Variants in LMCD1 observed in about 807,000 individuals in gnomAD.
The protein encoded by LMCD1 is LIM and cysteine-rich domains protein 1.
In LMCD1, 32 loss-of-function variants were observed where a neutral mutation model predicts 42.7. That is an observed-to-expected ratio of 0.75 (90% confidence interval 0.57 to 1.01). The LOEUF (loss-of-function observed/expected upper bound fraction) is 1.01, where lower values mean the gene tolerates loss of function less well. LMCD1 is among the 50% of genes least tolerant of loss of function. The pLI is 0.00. For missense variants in LMCD1, 458 were observed against 483.1 expected (o/e 0.95, Z 0.49); for synonymous variants, 178 against 184.9 (o/e 0.96, Z 0.30).
rs1273840695 is a variant in LMCD1, at chr3:8,544,280, A to T, written c.388-4288A>T. On this transcript the variant is annotated intron_variant, in intron 3 of 5. Coordinates refer to ENST00000157600, the MANE Select transcript of LMCD1 (RefSeq NM_014583.4). ...GCCCAGGAGATACTTTCTCAGTCTGACATAGAGAGCAGCAGGAGAACTGGA... is the reference window on the plus strand; with the variant it reads ...GCCCAGGAGATACTTTCTCAGTCTGTCATAGAGAGCAGCAGGAGAACTGGA... Among the ~76,000 whole-genome samples the T allele has an allele frequency of 2.0e-5, 3 of 152,258 alleles. No individual in the cohort carries two copies. The South Asian group carries it at 6.2e-4, about 32-fold the overall frequency.
intron 3 of LMCD1, among the ~76,000 whole-genome samples, chr3:8,547,891 A>C (rs2125031551): frequency 6.6e-6 from 1 of 152,170 alleles, no homozygotes; most frequent in East Asian, 1.9e-4. Flanking sequence ...ATCTCAAAAA[A>C]AAAAGAAAAG....
intron 2 of LMCD1, among the ~76,000 whole-genome samples, chr3:8,536,584 A>G (rs538282800): frequency 1.3e-5 from 2 of 152,360 alleles, no homozygotes; most frequent in African/African-American, 4.8e-5. Context: ...TTTATGCTAA[A>G]GAGTTTAAAA....
Position 8,573,971 on chromosome 3 carries a change from T to C in LMCD1, c.*6373T>C, listed in dbSNP as rs1184371780. 1 of 152,190 alleles carries C rather than the reference T, an allele frequency of 6.6e-6. No homozygotes were observed. The highest frequency in any genetic ancestry group is 2.4e-5 in the African/African-American group (1 of 41,456). 9.4% of individuals were successfully genotyped at this position (152,190 alleles called of 1,614,324 possible). On this transcript the variant is annotated 3_prime_UTR_variant, in exon 6 of 6. Coordinates refer to ENST00000157600, the MANE Select transcript of LMCD1 (RefSeq NM_014583.4). ...TAGTCAGAAAGTGCAGAAGAAGGGC[T>C]AGCTTCAGGAACAATTGGATGCAGT...
At position 8,565,677 on chromosome 3, in the gene LMCD1, G is replaced by A. The variant is rs144252914; in HGVS notation, c.939+30G>A. ...GAGATAGCCGCGAGATGGGTTAGGG[G>A]GCTTGAGGGACACTGCTGAGGGTAA... On this transcript the variant is annotated intron_variant, in intron 5 of 5. Coordinates refer to ENST00000157600, the MANE Select transcript of LMCD1 (RefSeq NM_014583.4). 470 of 1,549,368 alleles carry A rather than the reference G, an allele frequency of 3.0e-4. 2 individuals are homozygous for A. The African/African-American group carries it at 5.6e-3, about 18-fold the overall frequency.
At chr3:8,502,296 TTATATATAATATATAA>T (rs1693744191) in intron 1 of LMCD1, among the ~76,000 whole-genome samples, 2 of 14,266 alleles carry the variant, frequency 1.4e-4, no homozygotes, top group African/African-American at 3.3e-4. Flanking sequence ...ATAATATATA[TTATATATAATATATAA>T]AATATATATT....
chr3:8,512,038 T>C (rs1172888179), intron 1 of LMCD1, among the ~76,000 whole-genome samples: 5 of 152,194 alleles, frequency 3.3e-5, no homozygotes, highest in Non-Finnish European at 7.3e-5. Context: ...CACACACATA[T>C]ACGTCCGTGA....
intron 4 of LMCD1, among the ~76,000 whole-genome samples, chr3:8,560,482 T>G (rs1016115485): frequency 1.4e-4 from 21 of 152,144 alleles, no homozygotes; most frequent in African/African-American, 5.1e-4. Flanking sequence ...CAATTCACAT[T>G]TGTAAATGTG....
intron 4 of LMCD1, among the ~76,000 whole-genome samples, chr3:8,562,047 T>C (rs950481576): frequency 9.2e-5 from 14 of 152,178 alleles, no homozygotes; most frequent in African/African-American, 3.4e-4. Context: ...TCACTGCTCC[T>C]GGGAACTGGC....
chr3:8,545,166 T>C (rs576183332), intron 3 of LMCD1, among the ~76,000 whole-genome samples: 42 of 152,346 alleles, frequency 2.8e-4, no homozygotes, highest in Admixed American at 7.8e-4. Context: ...AAATACCTTA[T>C]GTCCATAATG....
intron 3 of LMCD1, 61 bp downstream of exon 3, chr3:8,537,501 A>C: frequency 6.8e-7 from 1 of 1,477,508 alleles, no homozygotes; most frequent in South Asian, 1.5e-5. Context: ...TAGCCATGTC[A>C]AGTGTTTCTG....
chr3:8,525,864 T>C (rs1020189745), intron 1 of LMCD1, among the ~76,000 whole-genome samples: 16 of 152,190 alleles, frequency 1.1e-4, no homozygotes, highest in Non-Finnish European at 5.9e-5. Context: ...CCAGAGATTG[T>C]GGCAAAATTT....
intron 3 of LMCD1, among the ~76,000 whole-genome samples, chr3:8,541,102 C>G (rs9826559): frequency 0.022 from 3,402 of 152,250 alleles, 141 homozygotes; most frequent in African/African-American, 0.078. Context: ...ATTCCAGAGC[C>G]CATGTGTGTT....
chr3:8,502,296 T>TTATATAAAA, intron 1 of LMCD1, among the ~76,000 whole-genome samples: 1 of 14,272 alleles, frequency 7.0e-5, no homozygotes, highest in Middle Eastern at 0.031. Flanking sequence ...ATAATATATA[T>TTATATAAAA]TATATATAAT....
At chr3:8,540,206 A>T (rs983762468) in intron 3 of LMCD1, among the ~76,000 whole-genome samples, 2 of 152,180 alleles carry the variant, frequency 1.3e-5, no homozygotes, top group African/African-American at 4.8e-5. Flanking sequence ...CGAATGATCA[A>T]GACTGATTAT....
intron 4 of LMCD1, among the ~76,000 whole-genome samples, chr3:8,557,877 C>T (rs1694952358): frequency 6.6e-6 from 1 of 152,184 alleles, no homozygotes; most frequent in South Asian, 2.1e-4. Flanking sequence ...AGGCCAGAGA[C>T]TGGAATCACC....
chr3:8,530,533 T>C (rs1257987224), intron 1 of LMCD1, among the ~76,000 whole-genome samples: 2 of 152,210 alleles, frequency 1.3e-5, no homozygotes, highest in Admixed American at 6.5e-5. Flanking sequence ...CAGCCTCTCA[T>C]TAGAAGAACA....
intron 1 of LMCD1, among the ~76,000 whole-genome samples, chr3:8,504,348 T>C (rs1470877908): frequency 2.0e-5 from 3 of 152,372 alleles, no homozygotes; most frequent in African/African-American, 7.2e-5. Context: ...GTTTATAACA[T>C]TTGGCTTCAG....
chr3:8,522,021 A>C (rs1382249679), intron 1 of LMCD1, among the ~76,000 whole-genome samples: 2 of 152,088 alleles, frequency 1.3e-5, no homozygotes, highest in South Asian at 4.2e-4. Context: ...TACTTCTTTC[A>C]TGGCCCAGGG....
At chr3:8,551,104 T>G (rs184310644) in intron 4 of LMCD1, 2 of 985,402 alleles carry the variant, frequency 2.0e-6, no homozygotes. Context: ...TAGGCTGGGC[T>G]AGCTGTGGAA....
Sources: gnomAD v4.1 joint callset for allele counts (sites outside exome capture counted in the v4.1 genomes callset) on GRCh38, gnomAD v4.1.1 for gene constraint, MANE v1.5 for transcripts, NCBI Gene and HGNC (gene_info 2026-07-23, HGNC 2026-07-21) for gene names.